Variants in ZGRF1 observed in about 807,000 individuals in gnomAD.
ZGRF1 encodes zinc finger GRF-type containing 1.
ZGRF1 carries 196 observed loss-of-function variants against 203.5 expected under a neutral mutation model. That is an observed-to-expected ratio of 0.96 (90% CI 0.86 to 1.08). The LOEUF (loss-of-function observed/expected upper bound fraction) is 1.08, where lower values mean the gene tolerates loss of function less well. Ranked by LOEUF, ZGRF1 falls within the 50% of genes least tolerant of loss-of-function variation. The pLI is 0.00. For missense variants in ZGRF1, 2,326 were observed against 2,416.3 expected (o/e 0.96, Z 0.78); for synonymous variants, 809 against 841.3 (o/e 0.96, Z 0.66).
Position 112,539,656 on chromosome 4 carries a change from T to A in ZGRF1, c.6206A>T (p.Tyr2069Phe). The change falls in exon 28 of 28, where the codon TAT becomes TTT. Residue 2069 changes from tyrosine (Y) to phenylalanine (F), a missense_variant. Physicochemically the swap from Tyr to Phe is conservative, Grantham distance 22 (BLOSUM62 3). Transcript: ENST00000505019. ...AAGGAGATGGTTCAGCTGTGGTTCATACTGGTTTGCATGTTGCAATCCATC... is the reference window on the plus strand; with the variant it reads ...AAGGAGATGGTTCAGCTGTGGTTCAAACTGGTTTGCATGTTGCAATCCATC... ...REDGLQHANQ[Y>F]EPQLNHLLKD... The A allele has an allele frequency of 6.2e-7, 1 of 1,608,428 alleles. No individual in the cohort carries two copies. Among genetic ancestry groups the A allele is most frequent in the South Asian group, 1.1e-5 (1 of 89,518 alleles).
chr4:112,554,609 T>A, intron 21 of ZGRF1, 96 bp downstream of exon 21: 2 of 664,982 alleles, frequency 3.0e-6, no homozygotes, highest in Non-Finnish European at 5.4e-6. Flanking sequence ...TAAGCCTTTC[T>A]CCATTCTTCA....
intron 6 of ZGRF1, among the ~76,000 whole-genome samples, chr4:112,612,794 A>T (rs2046733489): frequency 1.3e-5 from 2 of 152,184 alleles, no homozygotes; most frequent in Non-Finnish European, 2.9e-5. Flanking sequence ...TAAAAATTTT[A>T]AAATATTTAG....
At chr4:112,589,429 G>C (rs10031880) in intron 11 of ZGRF1, among the ~76,000 whole-genome samples, 24,008 of 152,146 alleles carry the variant, frequency 0.16, 2,183 homozygotes, top group East Asian at 0.42. Context: ...AAAGGGGTCA[G>C]ATGCTGGAGT....
chr4:112,555,217 A>G (rs1472300826), intron 20 of ZGRF1, among the ~76,000 whole-genome samples: 2 of 152,236 alleles, frequency 1.3e-5, no homozygotes, highest in African/African-American at 4.8e-5. Flanking sequence ...GAGGTGAGGT[A>G]TCATGATTCA....
At chr4:112,576,592 T>A (rs902679846) in intron 16 of ZGRF1, among the ~76,000 whole-genome samples, 9 of 152,076 alleles carry the variant, frequency 5.9e-5, no homozygotes, top group African/African-American at 9.7e-5. Context: ...AAGGACCTGA[T>A]GGAGCTGAAA....
intron 16 of ZGRF1, among the ~76,000 whole-genome samples, chr4:112,573,661 A>C (rs895881127): frequency 6.6e-6 from 1 of 152,204 alleles, no homozygotes; most frequent in African/African-American, 2.4e-5. Flanking sequence ...TTTTAAGGTA[A>C]GATGCAAAAA....
Position 112,623,707 on chromosome 4 carries a change from C to A in ZGRF1, c.162+110G>T, listed in dbSNP as rs2047136972. 4.7e-6 allele frequency: 3 copies of A among 633,388 alleles called. No homozygotes were observed. In the African/African-American group the frequency reaches 5.7e-5, roughly 12 times the overall value. The allele number at this position is 633,388 out of a possible 1,614,324, so 39.2% of individuals were successfully genotyped here. Reference sequence around the variant, plus strand: ...CACAAAGTCTAGCTATAATGTTCAACAAATACTATTAGTATTAATATTATG... The same window carrying A: ...CACAAAGTCTAGCTATAATGTTCAAAAAATACTATTAGTATTAATATTATG... On this transcript the variant is annotated intron_variant, in intron 4 of 27. Transcript: ENST00000505019.
chr4:112,591,111 C>T (rs141253093), intron 10 of ZGRF1, among the ~76,000 whole-genome samples: 1 of 152,196 alleles, frequency 6.6e-6, no homozygotes, highest in East Asian at 1.9e-4. Context: ...TGGGAAATTA[C>T]AATCATCACT....
chr4:112,611,010 TC>T, intron 7 of ZGRF1: 1 of 241,062 alleles, frequency 4.1e-6, no homozygotes, highest in Non-Finnish European at 8.3e-6. Context: ...ATTTTTTTCT[TC>T]ACTGTTTTCT....
intron 10 of ZGRF1, among the ~76,000 whole-genome samples, chr4:112,597,266 C>T (rs75837867): frequency 0.15 from 23,124 of 150,274 alleles, 2,055 homozygotes; most frequent in East Asian, 0.42. Context: ...GTGCTCACAC[C>T]TATAATCCCA....
chr4:112,618,432 A>G lies in ZGRF1; in HGVS notation c.1610T>C (p.Phe537Ser), dbSNP rs768817008. Reference protein sequence around the residue: ...FLEVTFNLNNFETSDTEEESQ... With the variant: ...FLEVTFNLNNSETSDTEEESQ... ...TTCCTCCTCAGTGTCACTGGTCTCA[A>G]AATTGTTCAGATTAAAAGTTACCTC... is the stretch of plus-strand genomic sequence containing the variant. Residue 537 changes from phenylalanine to serine, a missense_variant, in exon 6 of 28, where the codon TTT becomes TCT. Transcript: ENST00000505019. The G allele has an allele frequency of 6.2e-7, 1 of 1,613,826 alleles. No homozygotes were observed. The highest frequency in any genetic ancestry group is 1.7e-5 in the Admixed American group (1 of 60,006).
intron 9 of ZGRF1, among the ~76,000 whole-genome samples, chr4:112,604,260 G>A (rs1215843321): frequency 6.6e-6 from 1 of 151,610 alleles, no homozygotes; most frequent in Non-Finnish European, 1.5e-5. Context: ...CAATGAGGGG[G>A]AAACAAATGA....
intron 3 of ZGRF1, among the ~76,000 whole-genome samples, chr4:112,626,829 T>C (rs62317764): frequency 0.16 from 24,284 of 152,030 alleles, 2,364 homozygotes; most frequent in East Asian, 0.51. Flanking sequence ...TTTTTGAGAC[T>C]GAGTCTTGCT....
rs768466082 is a variant in ZGRF1, at chr4:112,589,876, T to G, written c.2977-2A>C. ...GATGTTTTCTTCTGGTGATGTCACC[T>G]ATACAGAAAGAAGAATCAAAACTAC... is the stretch of plus-strand genomic sequence containing the variant. On this transcript the variant is annotated splice_acceptor_variant, in intron 10 of 27. Coordinates refer to ENST00000505019, the MANE Select transcript of ZGRF1 (RefSeq NM_018392.5). LOFTEE classifies it high-confidence loss of function. The G allele has an allele frequency of 1.3e-6, 2 of 1,551,648 alleles. No individual in the cohort carries two copies. Among genetic ancestry groups the G allele is most frequent in the Non-Finnish European group, 1.7e-6 (2 of 1,152,802 alleles).
In ZGRF1 at chr4:112,562,099, G is replaced by A. The variant is rs570139792; in HGVS notation, c.4697+272C>T. ...TAATTTTGTATTTTTAGTAGAGACA[G>A]GGTTTCTCCATGTTGGTCAGGCTGG... On this transcript the variant is annotated intron_variant, in intron 18 of 27. Transcript: ENST00000505019. Among the ~76,000 whole-genome samples the A allele has an allele frequency of 3.3e-4, 50 of 152,146 alleles. 1 individual carries two copies. Among genetic ancestry groups the A allele is most frequent in the Non-Finnish European group, 6.8e-4 (46 of 67,996 alleles).
At chr4:112,580,306 C>T (rs1276059204) in intron 16 of ZGRF1, among the ~76,000 whole-genome samples, 1 of 139,270 alleles carries the variant, frequency 7.2e-6, no homozygotes, top group Admixed American at 7.7e-5. Context: ...AAATGTTAGA[C>T]CTAAAACCAT....
chr4:112,573,437 T>C (rs543431710), intron 16 of ZGRF1, among the ~76,000 whole-genome samples: 82 of 152,152 alleles, frequency 5.4e-4, no homozygotes, highest in Non-Finnish European at 1.0e-3. Flanking sequence ...ATAAAAAGAC[T>C]ACAAATTTGA....
In ZGRF1 at chr4:112,584,148, TCC is replaced by T. The variant is rs778618973; in HGVS notation, c.4126_4127del (p.Gly1376ThrfsTer4). The part of the protein sequence containing the change: ...NKGRLFYTCD[G>X]PKADRCKFFK... ...AGAATTTACATCGATCAGCTTTGGGTCCATCACATGTATAAAAGAGACGACCC... is the reference window on the plus strand; with the variant it reads ...AGAATTTACATCGATCAGCTTTGGGTATCACATGTATAAAAGAGACGACCC... On this transcript the variant is annotated frameshift_variant, in exon 15 of 28. Transcript: ENST00000505019. LOFTEE classifies it high-confidence loss of function. 10 of 1,608,412 alleles carry T rather than the reference TCC, an allele frequency of 6.2e-6. No individual in the cohort carries two copies. The Admixed American group carries it at 1.7e-4, about 28-fold the overall frequency.
intron 24 of ZGRF1, among the ~76,000 whole-genome samples, chr4:112,543,225 T>C (rs535363307): frequency 1.4e-4 from 21 of 152,292 alleles, no homozygotes; most frequent in South Asian, 4.2e-4. Context: ...AAGATCCCCC[T>C]TCATTGCTTT....
Sources: allele counts gnomAD v4.1 joint callset (sites outside exome capture counted in the v4.1 genomes callset), GRCh38; gene constraint gnomAD v4.1.1; transcripts MANE v1.5; gene names NCBI Gene and HGNC (gene_info 2026-07-23, HGNC 2026-07-21).